IL6R: variants seen among roughly 807,000 people sequenced by gnomAD.
The protein encoded by IL6R is interleukin-6 receptor subunit alpha.
Under a neutral mutation model 48.3 loss-of-function variants are expected in IL6R, and 38 were observed. That is an observed-to-expected ratio of 0.79 (90% CI 0.61 to 1.03). IL6R has a LOEUF of 1.03. Among genes scored for constraint, IL6R ranks in the 50% least tolerant of loss-of-function variants. The pLI is 0.00. For missense variants in IL6R, 534 were observed against 618.3 expected (o/e 0.86, Z 1.45); for synonymous variants, 264 against 256.2 (o/e 1.03, Z -0.29).
chr1:154,434,916 G>T, intron 4 of IL6R, 74 bp from the exon 5 acceptor site: 1 of 1,513,928 alleles, frequency 6.6e-7, no homozygotes, highest in Admixed American at 1.8e-5. Flanking sequence ...CCTGCTTGCT[G>T]GGATCTCAGC....
At chr1:154,428,553 A>G (rs1010924340) in intron 1 of IL6R, among the ~76,000 whole-genome samples, 1 of 152,248 alleles carries the variant, frequency 6.6e-6, no homozygotes, top group African/African-American at 2.4e-5. Context: ...TCCAGTACTC[A>G]GCAGACTCCT....
At chr1:154,447,476 TACACACACACACACACACACAC>T (rs1230551409) in intron 6 of IL6R, among the ~76,000 whole-genome samples, 1 of 68,834 alleles carries the variant, frequency 1.5e-5, no homozygotes, top group African/African-American at 5.6e-5. Flanking sequence ...TATATATATA[TACACACACACACACACACACAC>T]ACACATATAT....
At chr1:154,408,155 A>G (rs1427992373) in intron 1 of IL6R, among the ~76,000 whole-genome samples, 1 of 152,138 alleles carries the variant, frequency 6.6e-6, no homozygotes. Context: ...AAGAACACCT[A>G]GGAGTGAGGC....
intron 7 of IL6R, among the ~76,000 whole-genome samples, 176 bp from the exon 8 acceptor site, chr1:154,449,735 A>C (rs796450452): frequency 6.6e-6 from 1 of 152,176 alleles, no homozygotes; most frequent in African/African-American, 2.4e-5. Context: ...CATGGTGTGG[A>C]TAGAAAAAAT....
Position 154,405,428 on chromosome 1 carries a change from G to C in IL6R, c.-202G>C. The C allele has an allele frequency of 1.9e-6, 1 of 538,944 alleles. No homozygotes were observed. Among genetic ancestry groups the C allele is most frequent in the South Asian group, 2.3e-5 (1 of 42,856 alleles). 33.4% of individuals were successfully genotyped at this position (538,944 alleles called of 1,614,324 possible). On this transcript the variant is annotated 5_prime_UTR_variant, in exon 1 of 10. Coordinates refer to ENST00000368485, the MANE Select transcript of IL6R (RefSeq NM_000565.4). The surrounding 1 kb of genome is among the most constrained non-coding windows in gnomAD (Gnocchi z 5.2). ...CGCACTGACACTGAGCCGGGCCAGA[G>C]GGAGAGGAGCCGAGCGCGGCGCGGG... is the stretch of plus-strand genomic sequence containing the variant.
chr1:154,418,002 G>A (rs879068195), intron 1 of IL6R, among the ~76,000 whole-genome samples: 1 of 151,824 alleles, frequency 6.6e-6, no homozygotes, highest in Admixed American at 6.6e-5. Flanking sequence ...CAAAGTGCTG[G>A]GATTACAGGC....
At chr1:154,418,405 G>A (rs987501256) in intron 1 of IL6R, 83 of 984,692 alleles carry the variant, frequency 8.4e-5, no homozygotes, top group African/African-American at 1.6e-4. Context: ...ACAGTCCATC[G>A]TGTGGATGGG....
chr1:154,434,780 G>A, intron 4 of IL6R, 80 bp downstream of exon 4: 3 of 1,426,864 alleles, frequency 2.1e-6, no homozygotes, highest in Non-Finnish European at 2.9e-6. Context: ...CAGAGTGGCA[G>A]GGAAGGGGTG....
chr1:154,442,319 T>TG, intron 6 of IL6R, among the ~76,000 whole-genome samples: 1 of 152,286 alleles, frequency 6.6e-6, no homozygotes, highest in South Asian at 2.1e-4. Flanking sequence ...GACAATTGAA[T>TG]TATGTCTTGA....
At chr1:154,436,197 A>C in intron 6 of IL6R, 87 bp downstream of exon 6, 1 of 1,438,778 alleles carries the variant, frequency 7.0e-7, no homozygotes, top group Non-Finnish European at 9.4e-7. Flanking sequence ...TTGCCTCAAA[A>C]CTAGTGGCTT....
Position 154,434,568 on chromosome 1 carries a change from G to A in IL6R, c.508G>A (p.Glu170Lys). Residue 170 changes from glutamate (E) to lysine (K), a missense_variant, in exon 4 of 10, where the codon GAG becomes AAG. Physicochemically the swap from Glu to Lys is moderately conservative, Grantham distance 56. Coordinates refer to ENST00000368485, the MANE Select transcript of IL6R (RefSeq NM_000565.4). ...DFQEPCQYSQ[E>K]SQKFSCQLAV... is the part of the protein sequence containing the mutation. ...CCAGGAGCCGTGCCAGTATTCCCAGGAGTCCCAGAAGTTCTCCTGCCAGTT... is the reference window on the plus strand; with the variant it reads ...CCAGGAGCCGTGCCAGTATTCCCAGAAGTCCCAGAAGTTCTCCTGCCAGTT... 1 of 1,614,070 alleles carries A rather than the reference G, an allele frequency of 6.2e-7. No homozygotes were observed. Among genetic ancestry groups the A allele is most frequent in the South Asian group, 1.1e-5 (1 of 91,070 alleles).
chr1:154,431,383 G>A (rs1453981002), intron 3 of IL6R, among the ~76,000 whole-genome samples: 1 of 152,156 alleles, frequency 6.6e-6, no homozygotes, highest in Non-Finnish European at 1.5e-5. Flanking sequence ...GGGCAAGGAG[G>A]TCGCATTCCA....
At chr1:154,437,949 C>T (rs566232935) in intron 6 of IL6R, among the ~76,000 whole-genome samples, 6 of 149,630 alleles carry the variant, frequency 4.0e-5, no homozygotes, top group Admixed American at 1.3e-4. Flanking sequence ...CTCCTGACCT[C>T]GTGATCCACC....
intron 1 of IL6R, among the ~76,000 whole-genome samples, chr1:154,425,026 T>A (rs2149227792): frequency 6.6e-6 from 1 of 152,218 alleles, no homozygotes. Context: ...GTAATTAGAA[T>A]GGAATAGAAC....
intron 1 of IL6R, among the ~76,000 whole-genome samples, chr1:154,427,404 A>C (rs189819793): frequency 7.7e-4 from 117 of 152,292 alleles, no homozygotes; most frequent in Admixed American, 3.1e-3. Flanking sequence ...GGAGAAAGTA[A>C]GGCCATAGGT....
intron 1 of IL6R, among the ~76,000 whole-genome samples, chr1:154,408,963 G>C (rs1246373380): frequency 2.0e-5 from 3 of 152,040 alleles, no homozygotes; most frequent in Non-Finnish European, 4.4e-5. Context: ...TGGGCAACAG[G>C]GTGAGATGCC....
chr1:154,436,007 C>T lies in IL6R; in HGVS notation c.846C>T (p.Ala282=), dbSNP rs34825392. 1.1e-4 allele frequency: 176 copies of T among 1,611,768 alleles called. No individual in the cohort carries two copies. In the African/African-American group the frequency reaches 2.1e-3, roughly 20 times the overall value. ...AGCATCACTGTGTCATCCACGACGC[C>T]TGGAGCGGCCTGAGGCACGTGGTGC... ...DLQHHCVIHD[A]WSGLRHVVQL... is the part of the protein sequence containing the mutation. Residue 282 remains alanine, a synonymous_variant, in exon 6 of 10, where the codon GCC becomes GCT. Transcript: ENST00000368485.
At chr1:154,421,397 G>C (rs1311385211) in intron 1 of IL6R, among the ~76,000 whole-genome samples, 1 of 152,172 alleles carries the variant, frequency 6.6e-6, no homozygotes, top group African/African-American at 2.4e-5. Context: ...CACTGCCCAG[G>C]CCAGCTGGCA....
chr1:154,411,364 C>G (rs1232449174), intron 1 of IL6R, among the ~76,000 whole-genome samples: 1 of 151,950 alleles, frequency 6.6e-6, no homozygotes, highest in African/African-American at 2.4e-5. Flanking sequence ...CTGGCCGCAA[C>G]GAGACAATCA....
Sources: gnomAD v4.1 joint callset for allele counts (sites outside exome capture counted in the v4.1 genomes callset) on GRCh38, gnomAD v4.1.1 for gene constraint, Gnocchi (gnomAD v3.1) non-coding constraint, MANE v1.5 for transcripts, NCBI Gene and HGNC (gene_info 2026-07-23, HGNC 2026-07-21) for gene names.